ZNF385B: variants seen among roughly 807,000 people sequenced by gnomAD.
The protein encoded by ZNF385B is zinc finger protein 533.
Under a neutral mutation model 39.2 loss-of-function variants are expected in ZNF385B, and 23 were observed. That is an observed-to-expected ratio of 0.59 (90% confidence interval 0.42 to 0.83). The LOEUF (loss-of-function observed/expected upper bound fraction) is 0.83, where lower values mean the gene tolerates loss of function less well. ZNF385B is among the 40% of genes least tolerant of loss of function. The pLI is 0.00. For synonymous variants in ZNF385B, 205 were observed against 222.6 expected (o/e 0.92, Z 0.70); for missense variants, 552 against 598.9 (o/e 0.92, Z 0.82).
At chr2:179,781,176 CAAG>C (rs1704642791) in intron 1 of ZNF385B, among the ~76,000 whole-genome samples, 1 of 152,108 alleles carries the variant, frequency 6.6e-6, no homozygotes, top group African/African-American at 2.4e-5. Context: ...GTAAAGGAAC[CAAG>C]AATAGCCAGG....
chr2:179,536,452 TGGGA>T (rs2059572551), intron 4 of ZNF385B: 1 of 152,146 alleles, frequency 6.6e-6, no homozygotes, highest in Non-Finnish European at 1.5e-5. Flanking sequence ...CATGTGACAT[TGGGA>T]CTAGGATAAA....
chr2:179,589,955 G>A (rs368206745), intron 3 of ZNF385B, among the ~76,000 whole-genome samples: 20 of 152,264 alleles, frequency 1.3e-4, no homozygotes, highest in East Asian at 7.7e-4. Context: ...TCATTAAACC[G>A]TCACCAAAGT....
At chr2:179,736,451 T>G (rs959171326) in intron 3 of ZNF385B, among the ~76,000 whole-genome samples, 2 of 152,204 alleles carry the variant, frequency 1.3e-5, no homozygotes, top group Admixed American at 1.3e-4. Flanking sequence ...GTGATTCTTA[T>G]TAACTATTGG....
chr2:179,807,522 G>A lies in ZNF385B; in HGVS notation c.-154-36850C>T, dbSNP rs200149930. Among the ~76,000 whole-genome samples the A allele has an allele frequency of 4.6e-5, 7 of 152,172 alleles. No individual in the cohort carries two copies. The East Asian group carries it at 1.4e-3, about 30-fold the overall frequency. On this transcript the variant is annotated intron_variant, in intron 1 of 9. Coordinates refer to ENST00000410066, the MANE Select transcript of ZNF385B (RefSeq NM_152520.6). ...CGCTTGAACCCAGGAGGCAGAGGTT[G>A]CAGTGAGCCAAGATCTTACCACTGC...
chr2:179,532,446 G>A (rs12620539), intron 4 of ZNF385B, among the ~76,000 whole-genome samples: 85,871 of 151,974 alleles, frequency 0.57, 25,465 homozygotes, highest in Admixed American at 0.7. Flanking sequence ...CATGAACCAC[G>A]TAGCAAGTTG....
intron 1 of ZNF385B, among the ~76,000 whole-genome samples, chr2:179,815,864 T>C (rs2106573757): frequency 6.6e-6 from 1 of 152,318 alleles, no homozygotes; most frequent in South Asian, 2.1e-4. Flanking sequence ...CCTTTGCTGG[T>C]ACCTTTTCAT....
At chr2:179,676,652 A>C (rs1696872556) in intron 3 of ZNF385B, among the ~76,000 whole-genome samples, 1 of 152,248 alleles carries the variant, frequency 6.6e-6, no homozygotes, top group Non-Finnish European at 1.5e-5. Context: ...TCATCTGCTG[A>C]GAGATGACAG....
chr2:179,508,456 C>A (rs1271567671), intron 5 of ZNF385B, among the ~76,000 whole-genome samples: 1 of 152,094 alleles, frequency 6.6e-6, no homozygotes, highest in Non-Finnish European at 1.5e-5. Context: ...TCCCAAGTGG[C>A]GAGACAAGTT....
At chr2:179,860,494 C>G (rs576533987) in intron 1 of ZNF385B, among the ~76,000 whole-genome samples, 2 of 152,076 alleles carry the variant, frequency 1.3e-5, no homozygotes, top group Non-Finnish European at 2.9e-5. Context: ...GTCCTCCCAC[C>G]CTTCCCTGAC....
chr2:179,694,686 T>C (rs989610443), intron 3 of ZNF385B, among the ~76,000 whole-genome samples: 1 of 152,194 alleles, frequency 6.6e-6, no homozygotes, highest in African/African-American at 2.4e-5. Flanking sequence ...TCCCAGCAAT[T>C]TGGGAGGTCA....
chr2:179,718,355 T>C (rs1700463647), intron 3 of ZNF385B, among the ~76,000 whole-genome samples: 2 of 148,278 alleles, frequency 1.3e-5, no homozygotes, highest in African/African-American at 4.9e-5. Flanking sequence ...TATATAATCA[T>C]TTATATCTTT....
In ZNF385B at chr2:179,443,154, G is replaced by A. The variant is rs905380131; in HGVS notation, c.*96C>T. 6 of 1,216,604 alleles carry A rather than the reference G, an allele frequency of 4.9e-6. No individual in the cohort carries two copies. In the African/African-American group the frequency reaches 1.6e-4, roughly 32 times the overall value. 75.4% of individuals were successfully genotyped at this position (1,216,604 alleles called of 1,614,324 possible). On this transcript the variant is annotated 3_prime_UTR_variant, in exon 10 of 10. Transcript: ENST00000410066. ...GTGGGCTGCATTTTGTGGGTGAATG[G>A]GGGGTACTGCAACACAAACTGCTTA...
At chr2:179,798,872 T>C (rs540291872) in intron 1 of ZNF385B, among the ~76,000 whole-genome samples, 1 of 152,214 alleles carries the variant, frequency 6.6e-6, no homozygotes, top group East Asian at 1.9e-4. Context: ...ACATTTATGT[T>C]GTTTCCAAAT....
At chr2:179,590,124 G>A (rs148500483) in intron 3 of ZNF385B, among the ~76,000 whole-genome samples, 26 of 152,304 alleles carry the variant, frequency 1.7e-4, no homozygotes, top group African/African-American at 5.8e-4. Context: ...CCTGTAATGG[G>A]GAAACCATTA....
At chr2:179,557,530 TTATATA>T (rs2060996536) in intron 3 of ZNF385B, among the ~76,000 whole-genome samples, 1 of 127,540 alleles carries the variant, frequency 7.8e-6, no homozygotes, top group Admixed American at 8.0e-5. Context: ...TATGTGTATG[TTATATA>T]CATGTATATA....
At chr2:179,669,493 A>G (rs1008040043) in intron 3 of ZNF385B, among the ~76,000 whole-genome samples, 1 of 152,232 alleles carries the variant, frequency 6.6e-6, no homozygotes, top group South Asian at 2.1e-4. Flanking sequence ...TAAAGTGCAA[A>G]GTGACCACTA....
At chr2:179,635,446 T>C (rs1389527350) in intron 3 of ZNF385B, among the ~76,000 whole-genome samples, 1 of 151,850 alleles carries the variant, frequency 6.6e-6, no homozygotes, top group Non-Finnish European at 1.5e-5. Context: ...GATGAATTGA[T>C]GGGTGCAGCA....
At chr2:179,651,814 G>A (rs1559032471) in intron 3 of ZNF385B, among the ~76,000 whole-genome samples, 1 of 152,096 alleles carries the variant, frequency 6.6e-6, no homozygotes, top group Non-Finnish European at 1.5e-5. Context: ...CAGAGCTAAG[G>A]TATGAATCCA....
At chr2:179,798,662 T>C (rs1705835442) in intron 1 of ZNF385B, among the ~76,000 whole-genome samples, 1 of 152,112 alleles carries the variant, frequency 6.6e-6, no homozygotes. Flanking sequence ...CTGTAAATAA[T>C]TTAAATTCTT....
Sources: gnomAD v4.1 joint callset for allele counts (sites outside exome capture counted in the v4.1 genomes callset) on GRCh38, gnomAD v4.1.1 for gene constraint, MANE v1.5 for transcripts, NCBI Gene and HGNC (gene_info 2026-07-23, HGNC 2026-07-21) for gene names.